TRDN: variants seen among roughly 807,000 people sequenced by gnomAD.
TRDN encodes triadin in skeletal muscle.
A neutral mutation model predicts 149.7 loss-of-function variants in TRDN; 161 were observed. The observed-to-expected ratio is 1.08, with a 90% confidence interval of 0.95 to 1.23. TRDN has a LOEUF of 1.23. Among genes scored for constraint, TRDN ranks in the 50% most tolerant of loss-of-function variants. The pLI is 0.00. For missense variants in TRDN, 896 were observed against 823.5 expected (o/e 1.09, Z -1.08); for synonymous variants, 294 against 250.5 (o/e 1.17, Z -1.64).
chr6:123,579,112 T>TTCTA (rs1448461384), intron 1 of TRDN, among the ~76,000 whole-genome samples: 1 of 152,198 alleles, frequency 6.6e-6, no homozygotes, highest in African/African-American at 2.4e-5. Context: ...TAGTTTGACT[T>TTCTA]TCTATCTTCC....
intron 12 of TRDN, among the ~76,000 whole-genome samples, chr6:123,397,085 G>T (rs549951263): frequency 6.6e-6 from 1 of 151,800 alleles, no homozygotes. Flanking sequence ...TTTAATTTTA[G>T]AATAAGTTGG....
chr6:123,552,204 T>G (rs1230514129), intron 2 of TRDN, among the ~76,000 whole-genome samples: 6 of 152,100 alleles, frequency 3.9e-5, no homozygotes, highest in Non-Finnish European at 7.4e-5. Flanking sequence ...GGAAAACTGC[T>G]TTAGGTTACT....
At chr6:123,341,028 A>G (rs1780045968) in intron 21 of TRDN, among the ~76,000 whole-genome samples, 1 of 151,896 alleles carries the variant, frequency 6.6e-6, no homozygotes, top group Non-Finnish European at 1.5e-5. Flanking sequence ...TTGATAATCC[A>G]GGATATTTTT....
chr6:123,240,537 C>A (rs570807449), intron 38 of TRDN, among the ~76,000 whole-genome samples: 1 of 150,896 alleles, frequency 6.6e-6, no homozygotes, highest in South Asian at 2.1e-4. Context: ...ACAATATTAA[C>A]AAAGTAGTAA....
intron 24 of TRDN, among the ~76,000 whole-genome samples, chr6:123,285,992 A>C (rs2114641050): frequency 6.6e-6 from 1 of 152,254 alleles, no homozygotes; most frequent in Middle Eastern, 3.4e-3. Flanking sequence ...TTACTCCTGC[A>C]AGAATGGCCA....
In TRDN at chr6:123,465,605, G is replaced by C. The variant is rs201549572; in HGVS notation, c.854-622C>G. 4.4e-5 allele frequency among the ~76,000 whole-genome samples: 3 copies of C among 68,236 alleles called. No homozygotes were observed. The South Asian group carries it at 1.6e-3, about 36-fold the overall frequency. The allele number at this position is 68,236 out of a possible 152,430, so 44.8% of individuals were successfully genotyped here. A position where few individuals can be genotyped will look rare whatever the true frequency, so the allele number is the denominator to read the frequency against. ...TGCAAAAAAAAAAAAAAAAAAAAAA[G>C]AGAGAGAGAGAGAAAGAAAGAAAAC... is the stretch of plus-strand genomic sequence containing the variant. On this transcript the variant is annotated intron_variant, in intron 9 of 40. Coordinates refer to ENST00000334268, the MANE Select transcript of TRDN (RefSeq NM_006073.4).
At chr6:123,628,100 A>C (rs2114732249) in intron 1 of TRDN, among the ~76,000 whole-genome samples, 1 of 152,318 alleles carries the variant, frequency 6.6e-6, no homozygotes, top group South Asian at 2.1e-4. Flanking sequence ...ATTTCCTTCA[A>C]GAACTTTTCC....
intron 24 of TRDN, among the ~76,000 whole-genome samples, chr6:123,282,941 AG>A (rs1777636552): frequency 6.6e-6 from 1 of 151,922 alleles, no homozygotes; most frequent in Admixed American, 6.6e-5. Flanking sequence ...AGTCCATTAA[AG>A]TTTAATACAA....
chr6:123,612,020 C>A (rs116163302), intron 1 of TRDN, among the ~76,000 whole-genome samples: 2 of 151,516 alleles, frequency 1.3e-5, no homozygotes, highest in African/African-American at 2.4e-5. Flanking sequence ...AAGCTAAGAA[C>A]GATGTTCAAG....
At chr6:123,582,411 A>C (rs1783167460) in intron 1 of TRDN, among the ~76,000 whole-genome samples, 1 of 151,768 alleles carries the variant, frequency 6.6e-6, no homozygotes, top group Non-Finnish European at 1.5e-5. Context: ...ACCTGGGTGC[A>C]GGTGGGCTGA....
intron 9 of TRDN, among the ~76,000 whole-genome samples, chr6:123,478,343 T>C (rs1777594561): frequency 6.6e-6 from 1 of 152,182 alleles, no homozygotes. Flanking sequence ...GCCCAGTACT[T>C]AAAGACCAGT....
chr6:123,586,670 T>G (rs1459988887), intron 1 of TRDN, among the ~76,000 whole-genome samples: 1 of 152,042 alleles, frequency 6.6e-6, no homozygotes. Context: ...ACTTAGATTT[T>G]AGGTTAGATG....
intron 5 of TRDN, among the ~76,000 whole-genome samples, chr6:123,519,414 C>G (rs1363167625): frequency 6.6e-6 from 1 of 151,778 alleles, no homozygotes; most frequent in Non-Finnish European, 1.5e-5. Context: ...TGGCAGTCAC[C>G]AGGCAGACTA....
intron 24 of TRDN, among the ~76,000 whole-genome samples, chr6:123,297,470 GT>G (rs57768447): frequency 1.6e-4 from 24 of 151,354 alleles, no homozygotes; most frequent in Middle Eastern, 6.8e-3. Flanking sequence ...CTACTTCGAA[GT>G]TTTTTTTTAT....
intron 1 of TRDN, among the ~76,000 whole-genome samples, chr6:123,608,190 C>T (rs1207628031): frequency 6.6e-6 from 1 of 152,060 alleles, no homozygotes; most frequent in African/African-American, 2.4e-5. Flanking sequence ...CCTTTCTGTA[C>T]ATCTTACTAA....
chr6:123,280,397 G>T (rs540127218), intron 24 of TRDN, among the ~76,000 whole-genome samples: 1 of 152,066 alleles, frequency 6.6e-6, no homozygotes, highest in Non-Finnish European at 1.5e-5. Context: ...CTTCGGTACC[G>T]TGTTTGCTAT....
intron 12 of TRDN, among the ~76,000 whole-genome samples, chr6:123,415,784 C>G (rs4305742): frequency 0.89 from 135,341 of 152,228 alleles, 60,372 homozygotes; most frequent in East Asian, 0.99. Context: ...TTTATTTATT[C>G]CCTACTATGT....
intron 1 of TRDN, among the ~76,000 whole-genome samples, chr6:123,586,580 G>C (rs1783498286): frequency 6.6e-6 from 1 of 152,278 alleles, no homozygotes; most frequent in Non-Finnish European, 1.5e-5. Flanking sequence ...TGGAAAAATT[G>C]AAAGTGCCGT....
chr6:123,335,568 A>T (rs1779831246), intron 22 of TRDN, among the ~76,000 whole-genome samples: 1 of 151,894 alleles, frequency 6.6e-6, no homozygotes, highest in Non-Finnish European at 1.5e-5. Flanking sequence ...TTTCCTCCAG[A>T]TAATGTTTTC....
Sources: allele counts gnomAD v4.1 joint callset (sites outside exome capture counted in the v4.1 genomes callset), GRCh38; gene constraint gnomAD v4.1.1; transcripts MANE v1.5; gene names NCBI Gene and HGNC (gene_info 2026-07-23, HGNC 2026-07-21).